Variants in MAX observed in about 807,000 individuals in gnomAD.
The protein encoded by MAX is MYC associated transcriptional regulator X.
A neutral mutation model predicts 22.3 loss-of-function variants in MAX; 3 were observed. The observed-to-expected ratio is 0.13, with a 90% confidence interval of 0.06 to 0.35. The LOEUF is 0.35. Ranked by LOEUF, MAX falls within the 10% of genes least tolerant of loss-of-function variation. The pLI, the probability that MAX is intolerant of heterozygous loss-of-function variation, is 1.00. For synonymous variants in MAX, 72 were observed against 77.7 expected (o/e 0.93, Z 0.39); for missense variants, 119 against 209.4 (o/e 0.57, Z 2.66).
At chr14:65,102,219 C>G (rs1261104718) in intron 1 of MAX, 85 bp downstream of exon 1, 1 of 1,587,606 alleles carries the variant, frequency 6.3e-7, no homozygotes. Context: ...CAGCCCGGCC[C>G]CCTCCCGCCG....
chr14:65,102,617 C>G, upstream of MAX: 2 of 1,283,880 alleles, frequency 1.6e-6, no homozygotes, highest in Admixed American at 3.6e-5. Context: ...TCTTGTCCCT[C>G]TAACAGACGG....
At chr14:65,017,330 A>G (rs2061794919) in intron 3 of MAX, among the ~76,000 whole-genome samples, 1 of 152,146 alleles carries the variant, frequency 6.6e-6, no homozygotes. Flanking sequence ...TCACTCTTGC[A>G]CAATGGGAAA....
At chr14:65,072,699 A>G (rs374906094), downstream of MAX, among the ~76,000 whole-genome samples, 1 of 152,210 alleles carries the variant, frequency 6.6e-6, no homozygotes, top group East Asian at 1.9e-4. Flanking sequence ...GTAACACCAC[A>G]TGGGGCTTCT....
chr14:65,053,177 T>G, intron 3 of MAX: 1 of 1,248,876 alleles, frequency 8.0e-7, no homozygotes, highest in Non-Finnish European at 1.0e-6. Context: ...GAAAGTGGAA[T>G]TAGGTCATTG....
chr14:65,087,632 C>T (rs2063375337), intron 3 of MAX, among the ~76,000 whole-genome samples: 1 of 152,178 alleles, frequency 6.6e-6, no homozygotes, highest in Non-Finnish European at 1.5e-5. Context: ...TTATCCAATG[C>T]CTGTACCCCC....
rs2063041792 is a variant in MAX at position 65,075,767 on chromosome 14, T to C, written c.*709A>G. On this transcript the variant is annotated 3_prime_UTR_variant, in exon 5 of 5. Coordinates refer to ENST00000358664, the MANE Select transcript of MAX (RefSeq NM_002382.5). This position sits in a 1 kb window ranked among gnomAD's most constrained non-coding sequence, Gnocchi z 4.1. Reference sequence around the variant, plus strand: ...GCTGCTTCACTGCTGCCATCTCCCATACATACCACGAGAGTGTCACACGGC... The same window carrying C: ...GCTGCTTCACTGCTGCCATCTCCCACACATACCACGAGAGTGTCACACGGC... The C allele has an allele frequency of 1.9e-6, 2 of 1,066,012 alleles. No homozygotes were observed. The highest frequency in any genetic ancestry group is 9.9e-5 in the East Asian group (2 of 20,110). 66.0% of individuals were successfully genotyped at this position (1,066,012 alleles called of 1,614,324 possible). A position where few individuals can be genotyped will look rare whatever the true frequency, so the allele number is the denominator to read the frequency against.
chr14:65,099,024 T>G (rs2139937279), intron 2 of MAX, among the ~76,000 whole-genome samples: 1 of 152,288 alleles, frequency 6.6e-6, no homozygotes, highest in South Asian at 2.1e-4. Flanking sequence ...TTGTTCACAG[T>G]CCACATCTTT....
chr14:65,050,760 A>C (rs2062588631), intron 3 of MAX, among the ~76,000 whole-genome samples: 1 of 152,268 alleles, frequency 6.6e-6, no homozygotes, highest in Non-Finnish European at 1.5e-5. Context: ...AGAGTAGTCT[A>C]TAAATTCTTA....
At chr14:65,026,954 A>G (rs893516439) in intron 3 of MAX, among the ~76,000 whole-genome samples, 2 of 152,038 alleles carry the variant, frequency 1.3e-5, no homozygotes, top group African/African-American at 4.8e-5. Flanking sequence ...GAGTGAGAAG[A>G]CCTCTATTTA....
Position 65,044,732 on chromosome 14 carries a change from T to C in MAX, c.172-38448A>G, listed in dbSNP as rs975370227. 3.1e-5 allele frequency: 13 copies of C among 421,524 alleles called. No individual in the cohort carries two copies. The highest frequency in any genetic ancestry group is 5.4e-5 in the Non-Finnish European group (13 of 240,216). The allele number at this position is 421,524 out of a possible 1,614,324, so 26.1% of individuals were successfully genotyped here. A position where few individuals can be genotyped will look rare whatever the true frequency, so the allele number is the denominator to read the frequency against. Reference sequence around the variant, plus strand: ...AAGTGGGCGCTGCTTCTGCGTTATCTGGAAGGAGCAGCCCACTCCTGTCCT... The same window carrying C: ...AAGTGGGCGCTGCTTCTGCGTTATCCGGAAGGAGCAGCCCACTCCTGTCCT... On this transcript the variant is annotated intron_variant, in intron 3 of 3. Transcript: ENST00000341653. This position sits in a 1 kb window ranked among gnomAD's most constrained non-coding sequence, Gnocchi z 5.5.
In MAX at chr14:65,084,813, G is replaced by A. The variant is rs904537352; in HGVS notation, c.172-6777C>T. Reference sequence around the variant, plus strand: ...GCATGTAGATGAAGAGACCAGGAAGGAATACACAAATTGATAACACTATAT... The same window carrying A: ...GCATGTAGATGAAGAGACCAGGAAGAAATACACAAATTGATAACACTATAT... On this transcript the variant is annotated intron_variant, in intron 3 of 4. Transcript: ENST00000358664. This position sits in a 1 kb window ranked among gnomAD's most constrained non-coding sequence, Gnocchi z 4.3. 1.3e-5 allele frequency among the ~76,000 whole-genome samples: 2 copies of A among 152,136 alleles called. No individual in the cohort carries two copies. The highest frequency in any genetic ancestry group is 2.9e-5 in the Non-Finnish European group (2 of 68,032).
chr14:65,040,138 C>A (rs1188637163), intron 3 of MAX, among the ~76,000 whole-genome samples: 1 of 152,208 alleles, frequency 6.6e-6, no homozygotes, highest in East Asian at 1.9e-4. Context: ...TGCAGTGAGC[C>A]ATGATCTGCA....
rs139766498 is a variant in MAX at position 65,045,777 on chromosome 14, C to T, written c.172-39493G>A. On this transcript the variant is annotated intron_variant, in intron 3 of 3. Coordinates refer to the MAX transcript ENST00000341653. ...GTTGTTGAGTTGTGACCATTTCTGACACTGAATTAAAGTAAGCAGAGCCTC... is the reference window on the plus strand; with the variant it reads ...GTTGTTGAGTTGTGACCATTTCTGATACTGAATTAAAGTAAGCAGAGCCTC... 7.1e-3 allele frequency among the ~76,000 whole-genome samples: 1,084 copies of T among 152,208 alleles called. 13 individuals carry two copies. Among genetic ancestry groups the T allele is most frequent in the African/African-American group, 0.025 (1,020 of 41,508 alleles).
At chr14:65,086,551 G>C (rs1405537655) in intron 3 of MAX, among the ~76,000 whole-genome samples, 1 of 152,200 alleles carries the variant, frequency 6.6e-6, no homozygotes, top group Non-Finnish European at 1.5e-5. Context: ...AAAGAGATTG[G>C]CAGCATTTTG....
rs1323789513 is a variant in MAX, at chr14:65,011,718, A to G, written c.172-5434T>C. On this transcript the variant is annotated intron_variant, in intron 3 of 3. Coordinates refer to the MAX transcript ENST00000341653. This position sits in a 1 kb window ranked among gnomAD's most constrained non-coding sequence, Gnocchi z 4.0. ...CGGCACATTCCATCTTAAAGCCAGT[A>G]TTGCTGACTTGAAAGCCAAGGACAG... is the stretch of plus-strand genomic sequence containing the variant. Among the ~76,000 whole-genome samples, 1 of 152,204 alleles carries G rather than the reference A, an allele frequency of 6.6e-6. No individual in the cohort carries two copies. The highest frequency in any genetic ancestry group is 2.4e-5 in the African/African-American group (1 of 41,458).
chr14:65,045,574 C>A (rs1177927883), intron 3 of MAX, among the ~76,000 whole-genome samples: 1 of 152,076 alleles, frequency 6.6e-6, no homozygotes, highest in African/African-American at 2.4e-5. Flanking sequence ...TGCCACCACA[C>A]CTGGCTAATT....
In MAX at chr14:65,012,250, G is replaced by C. The variant is rs1352533482; in HGVS notation, c.172-5966C>G. The C allele has an allele frequency of 3.2e-6, 5 of 1,579,494 alleles. No individual in the cohort carries two copies. In the East Asian group the frequency reaches 1.1e-4, roughly 35 times the overall value. On this transcript the variant is annotated intron_variant, in intron 3 of 3. Coordinates refer to the MAX transcript ENST00000341653. This position sits in a 1 kb window ranked among gnomAD's most constrained non-coding sequence, Gnocchi z 5.0. Reference sequence around the variant, plus strand: ...AGTGTTTACCCGTGTGTGTGTACGTGCACATACGTGTGTATGGTGGAAGCA... The same window carrying C: ...AGTGTTTACCCGTGTGTGTGTACGTCCACATACGTGTGTATGGTGGAAGCA...
chr14:65,052,014 C>G (rs981172314), intron 3 of MAX, among the ~76,000 whole-genome samples: 2 of 152,060 alleles, frequency 1.3e-5, no homozygotes, highest in African/African-American at 2.4e-5. Context: ...CCGGGATGGT[C>G]TCGATCTCCT....
Position 65,031,979 on chromosome 14 carries a change from C to CGTGTGTGTGTGTGT in MAX, c.172-25709_172-25696dup, listed in dbSNP as rs563468928. Among the ~76,000 whole-genome samples the CGTGTGTGTGTGTGT allele has an allele frequency of 7.2e-4, 102 of 141,286 alleles. No individual in the cohort carries two copies. Among genetic ancestry groups the CGTGTGTGTGTGTGT allele is most frequent in the African/African-American group, 2.5e-3 (95 of 37,888 alleles). 92.7% of individuals were successfully genotyped at this position (141,286 alleles called of 152,430 possible). A position where few individuals can be genotyped will look rare whatever the true frequency, so the allele number is the denominator to read the frequency against. ...ATAGACGTGCGCCTTTTTCATTTAACGTGTGTGTGTGTGTGTGTGTGTGTG... is the reference window on the plus strand; with the variant it reads ...ATAGACGTGCGCCTTTTTCATTTAACGTGTGTGTGTGTGTGTGTGTGTGTGTGTGTGTGTGTGTG... On this transcript the variant is annotated intron_variant, in intron 3 of 3. Transcript: ENST00000341653. The surrounding 1 kb of genome is among the most constrained non-coding windows in gnomAD (Gnocchi z 4.6).
Sources: gnomAD v4.1 joint callset for allele counts (sites outside exome capture counted in the v4.1 genomes callset) on GRCh38, gnomAD v4.1.1 for gene constraint, Gnocchi (gnomAD v3.1) non-coding constraint, MANE v1.5 for transcripts, NCBI Gene and HGNC (gene_info 2026-07-23, HGNC 2026-07-21) for gene names.